The following GALNT13 variants were observed in gnomAD, a reference collection of about 807,000 sequenced individuals.
The protein encoded by GALNT13 is polypeptide N-acetylgalactosaminyltransferase 13.
A neutral mutation model predicts 64.2 loss-of-function variants in GALNT13; 28 were observed. The ratio of observed to expected loss-of-function variants is 0.44; its 90% CI spans 0.32 to 0.60. The LOEUF (loss-of-function observed/expected upper bound fraction) is 0.60. Ranked by LOEUF, GALNT13 falls within the 20% of genes least tolerant of loss-of-function variation. The pLI, the probability that GALNT13 is intolerant of heterozygous loss-of-function variation, is 0.05. For missense variants in GALNT13, 577 were observed against 669.8 expected (o/e 0.86, Z 1.53); for synonymous variants, 214 against 224.6 (o/e 0.95, Z 0.42).
In GALNT13 at chr2:154,146,433, C is replaced by T. The variant is rs534245753; in HGVS notation, c.311+5928C>T. On this transcript the variant is annotated intron_variant, in intron 4 of 12. Transcript: ENST00000392825. ...TTTCTGACACTACTACCTTCAACTT[C>T]TAAAAAAAAGTGGTATTATATACAT... 2.0e-5 allele frequency among the ~76,000 whole-genome samples: 3 copies of T among 151,864 alleles called. No homozygotes were observed. The East Asian group carries it at 5.8e-4, about 29-fold the overall frequency.
intron 9 of GALNT13, among the ~76,000 whole-genome samples, chr2:154,332,329 A>G (rs1227131606): frequency 1.3e-5 from 2 of 152,036 alleles, no homozygotes; most frequent in African/African-American, 4.8e-5. Context: ...CTTGGTTTTT[A>G]CAAGAGTTCC....
chr2:154,322,030 GC>G (rs1694648630), intron 9 of GALNT13, among the ~76,000 whole-genome samples: 1 of 151,076 alleles, frequency 6.6e-6, no homozygotes, highest in South Asian at 2.1e-4. Context: ...ATTCATGGAA[GC>G]TTTGGTTCCC....
chr2:153,483,524 C>G, the GALNT13 span, among the ~76,000 whole-genome samples: 2 of 143,692 alleles, frequency 1.4e-5, no homozygotes, highest in African/African-American at 5.2e-5. Context: ...TCAAGCAATT[C>G]TCCTGCCTCT....
At chr2:153,096,823 G>C in the GALNT13 span, among the ~76,000 whole-genome samples, 2 of 152,104 alleles carry the variant, frequency 1.3e-5, no homozygotes, top group Admixed American at 6.6e-5. Context: ...CTTTTAGCCA[G>C]TCTATGTCTT....
At chr2:153,865,170 T>TA in the GALNT13 span, among the ~76,000 whole-genome samples, 1 of 79,392 alleles carries the variant, frequency 1.3e-5, no homozygotes, top group Non-Finnish European at 2.6e-5. Flanking sequence ...CAAGATGGAT[T>TA]AAAGATTTAA....
chr2:153,623,514 T>G, the GALNT13 span, among the ~76,000 whole-genome samples: 1 of 152,082 alleles, frequency 6.6e-6, no homozygotes, highest in Non-Finnish European at 1.5e-5. Context: ...AAGAAGAAAC[T>G]GCCTTTATTC....
At chr2:153,879,004 A>G (rs1686586121) in intron 1 of GALNT13, among the ~76,000 whole-genome samples, 1 of 152,198 alleles carries the variant, frequency 6.6e-6, no homozygotes, top group Non-Finnish European at 1.5e-5. Flanking sequence ...GGTCCCACTG[A>G]TACAGAGTCT....
chr2:154,277,370 A>AT (rs1057414445), intron 8 of GALNT13, among the ~76,000 whole-genome samples: 3 of 152,124 alleles, frequency 2.0e-5, no homozygotes, highest in East Asian at 1.9e-4. Flanking sequence ...GAATCTATGT[A>AT]TTTTTTATTA....
the GALNT13 span, among the ~76,000 whole-genome samples, chr2:153,650,708 T>C: frequency 1.3e-5 from 2 of 152,216 alleles, no homozygotes; most frequent in Admixed American, 1.3e-4. Context: ...ATTTTATTTC[T>C]CCTTCACTTA....
intron 7 of GALNT13, among the ~76,000 whole-genome samples, chr2:154,248,938 G>A (rs532048309): frequency 1.3e-5 from 2 of 152,130 alleles, no homozygotes; most frequent in African/African-American, 2.4e-5. Context: ...TCTTTATCTG[G>A]CTATAATCTT....
At chr2:154,045,447 A>T (rs184082373) in intron 3 of GALNT13, among the ~76,000 whole-genome samples, 1 of 152,342 alleles carries the variant, frequency 6.6e-6, no homozygotes, top group Non-Finnish European at 1.5e-5. Context: ...TATTGCCTGT[A>T]TCCCAGGTCT....
intron 4 of GALNT13, among the ~76,000 whole-genome samples, chr2:154,195,669 C>T (rs1432093650): frequency 1.3e-5 from 2 of 151,758 alleles, no homozygotes; most frequent in African/African-American, 4.8e-5. Context: ...TATAGGAGCT[C>T]AGAGCTTCTT....
chr2:154,032,480 A>G (rs1282535960), intron 3 of GALNT13, among the ~76,000 whole-genome samples: 3 of 152,038 alleles, frequency 2.0e-5, no homozygotes, highest in Non-Finnish European at 2.9e-5. Context: ...CAACACACCA[A>G]TACCTCTCAT....
intron 2 of GALNT13, among the ~76,000 whole-genome samples, chr2:153,909,819 G>C (rs1405969071): frequency 6.6e-6 from 1 of 152,102 alleles, no homozygotes; most frequent in East Asian, 1.9e-4. Context: ...GGCACTGCTG[G>C]ATTTGGTTTG....
chr2:153,522,346 T>A, the GALNT13 span, among the ~76,000 whole-genome samples: 3 of 150,728 alleles, frequency 2.0e-5, no homozygotes, highest in Non-Finnish European at 4.4e-5. Flanking sequence ...GAGAAAAAAA[T>A]AAAGAGAGAG....
chr2:153,793,743 A>G, the GALNT13 span, among the ~76,000 whole-genome samples: 13,170 of 152,080 alleles, frequency 0.087, 614 homozygotes, highest in Middle Eastern at 0.14. Flanking sequence ...AAGAACTAGT[A>G]ATCCACCCTG....
chr2:153,824,383 CA>C, the GALNT13 span, among the ~76,000 whole-genome samples: 1 of 152,068 alleles, frequency 6.6e-6, no homozygotes. Flanking sequence ...TGTATATACC[CA>C]AACAAAATAA....
chr2:154,364,436 A>C (rs2105293476), intron 9 of GALNT13, among the ~76,000 whole-genome samples: 1 of 146,736 alleles, frequency 6.8e-6, no homozygotes, highest in Non-Finnish European at 1.5e-5. Flanking sequence ...TCTCGACTCC[A>C]GTAAATTCCA....
chr2:154,394,382 G>A (rs906815264), intron 9 of GALNT13, among the ~76,000 whole-genome samples: 6 of 152,126 alleles, frequency 3.9e-5, no homozygotes, highest in Non-Finnish European at 8.8e-5. Flanking sequence ...ACCCTTCTAG[G>A]AAGATGTTAT....
Sources: gnomAD v4.1 joint callset for allele counts (sites outside exome capture counted in the v4.1 genomes callset) on GRCh38, gnomAD v4.1.1 for gene constraint, MANE v1.5 for transcripts, NCBI Gene and HGNC (gene_info 2026-07-23, HGNC 2026-07-21) for gene names.